MAPRE2: variants seen among roughly 807,000 people sequenced by gnomAD.
MAPRE2 encodes the protein microtubule associated protein RP/EB family member 2, also known as microtubule-associated protein RP/EB family member 2.
In MAPRE2, 13 loss-of-function variants were observed where a neutral mutation model predicts 43.2. The ratio of observed to expected loss-of-function variants is 0.30; its 90% CI spans 0.20 to 0.48. MAPRE2 has a LOEUF of 0.48. Among genes scored for constraint, MAPRE2 ranks in the 20% least tolerant of loss-of-function variants. MAPRE2 has a pLI of 0.99. For missense variants in MAPRE2, 161 were observed against 400.2 expected, an observed-to-expected ratio of 0.40 and a Z score of 5.10; for synonymous variants, 135 against 148.8, an observed-to-expected ratio of 0.91 and a Z score of 0.68.
Position 35,126,960 on chromosome 18 carries a change from C to T in MAPRE2, c.623C>T (p.Ser208Leu). 1 of 1,613,918 alleles carries T rather than the reference C, an allele frequency of 6.2e-7. No individual in the cohort carries two copies. Among genetic ancestry groups the T allele is most frequent in the African/African-American group, 1.3e-5 (1 of 75,020 alleles). ...TGATTGCTTTCAGGTGCAGCTAAAT[C>T]AAGTCCAGCAGCTAAACCAGGATCC... ...ANSPTAGAAK[S>L]SPAAKPGSTP... Residue 208 changes from serine (S) to leucine (L), a missense_variant, in exon 5 of 7, where the codon TCA becomes TTA. Ser to Leu is a moderately radical substitution (Grantham distance 145). Coordinates refer to ENST00000300249, the MANE Select transcript of MAPRE2 (RefSeq NM_014268.4).
At chr18:35,017,042 A>G (rs542935182) in intron 2 of MAPRE2, among the ~76,000 whole-genome samples, 2 of 152,040 alleles carry the variant, frequency 1.3e-5, no homozygotes, top group African/African-American at 4.8e-5. Context: ...TCTCAGTATC[A>G]TTTATTGAAT....
At chr18:35,037,806 T>A (rs1294828735), upstream of MAPRE2, among the ~76,000 whole-genome samples, 1 of 152,190 alleles carries the variant, frequency 6.6e-6, no homozygotes, top group East Asian at 1.9e-4. Context: ...GCTTCATCTC[T>A]TGGGTGACTA....
At chr18:35,117,374 G>A (rs966442024) in intron 4 of MAPRE2, among the ~76,000 whole-genome samples, 1 of 152,134 alleles carries the variant, frequency 6.6e-6, no homozygotes, top group Non-Finnish European at 1.5e-5. Flanking sequence ...GGCCACCATC[G>A]GAAAAACAAC....
intron 1 of MAPRE2, among the ~76,000 whole-genome samples, chr18:35,064,008 A>AAAAAG (rs1488610892): frequency 2.9e-5 from 3 of 102,832 alleles, no homozygotes; most frequent in Non-Finnish European, 5.8e-5. Flanking sequence ...TTTAAAAAAA[A>AAAAAG]AAAAAAAAAA....
At chr18:35,098,083 T>C (rs1908508708) in intron 3 of MAPRE2, among the ~76,000 whole-genome samples, 1 of 152,152 alleles carries the variant, frequency 6.6e-6, no homozygotes, top group South Asian at 2.1e-4. Flanking sequence ...TCCGGTATAG[T>C]GTGTGCGCTC....
chr18:35,124,248 T>C (rs1900502545), intron 4 of MAPRE2, among the ~76,000 whole-genome samples: 1 of 151,840 alleles, frequency 6.6e-6, no homozygotes, highest in South Asian at 2.1e-4. Flanking sequence ...AAGGAGGAAG[T>C]GCCAAGCAAA....
chr18:35,037,983 G>A (rs189387167), upstream of MAPRE2, among the ~76,000 whole-genome samples: 4 of 152,300 alleles, frequency 2.6e-5, no homozygotes, highest in East Asian at 7.7e-4. Context: ...AGGAGTCACT[G>A]GTCTGATCTC....
chr18:35,097,604 T>TACCTC lies in MAPRE2; in HGVS notation c.396+14_396+18dup, dbSNP rs769266868. ...GAACGTTGATAAGGTAGGAGACTTG[T>TACCTC]ACCTCCATAAAATGTGTTGTTTTTT... On this transcript the variant is annotated intron_variant, in intron 3 of 6. Coordinates refer to ENST00000300249, the MANE Select transcript of MAPRE2 (RefSeq NM_014268.4). 1.2e-6 allele frequency: 2 copies of TACCTC among 1,603,154 alleles called. No individual in the cohort carries two copies. The highest frequency in any genetic ancestry group is 1.7e-6 in the Non-Finnish European group (2 of 1,175,456).
At chr18:35,131,209 G>A (rs575746145) in intron 5 of MAPRE2, among the ~76,000 whole-genome samples, 2 of 152,308 alleles carry the variant, frequency 1.3e-5, no homozygotes, top group East Asian at 3.9e-4. Flanking sequence ...CTAGCTAAGC[G>A]TGGCTTCCAT....
At chr18:35,007,097 G>C (rs1000780995) in intron 2 of MAPRE2, among the ~76,000 whole-genome samples, 6 of 152,198 alleles carry the variant, frequency 3.9e-5, no homozygotes, top group Non-Finnish European at 7.3e-5. Context: ...ATTAGAAATA[G>C]GAAGAACCAG....
intron 2 of MAPRE2, among the ~76,000 whole-genome samples, chr18:35,080,815 T>G (rs201887113): frequency 0.29 from 42,495 of 148,532 alleles, 8,146 homozygotes; most frequent in African/African-American, 0.53. Context: ...TCAGATTGCG[T>G]TTTTTTTTTT....
At chr18:34,998,774 T>TA in intron 1 of MAPRE2, among the ~76,000 whole-genome samples, 1 of 76,756 alleles carries the variant, frequency 1.3e-5, no homozygotes, top group Admixed American at 1.2e-4. Flanking sequence ...AAGTTGCAAT[T>TA]TTTTTTTTTT....
intron 2 of MAPRE2, among the ~76,000 whole-genome samples, chr18:35,026,132 A>C (rs1036040972): frequency 2.0e-5 from 3 of 152,170 alleles, no homozygotes; most frequent in Admixed American, 6.5e-5. Context: ...AGGTGAGAGG[A>C]AGGAGCGTGT....
chr18:35,036,903 G>A (rs888474531), upstream of MAPRE2, among the ~76,000 whole-genome samples: 1 of 152,152 alleles, frequency 6.6e-6, no homozygotes, highest in African/African-American at 2.4e-5. Context: ...TTGCTCTAAG[G>A]GGTCTCACAT....
intron 1 of MAPRE2, among the ~76,000 whole-genome samples, chr18:35,062,577 G>C (rs1396026255): frequency 6.6e-6 from 1 of 152,204 alleles, no homozygotes; most frequent in Non-Finnish European, 1.5e-5. Flanking sequence ...AATGAGAACT[G>C]ACAGTGTGGC....
intron 2 of MAPRE2, among the ~76,000 whole-genome samples, chr18:35,095,394 A>ACACACG (rs1555917951): frequency 9.7e-4 from 141 of 145,570 alleles, no homozygotes; most frequent in African/African-American, 2.7e-3. Context: ...ACACACACAC[A>ACACACG]CACACACGCA....
chr18:35,057,499 A>AGTGTGTGTGTGT (rs550390570), intron 1 of MAPRE2, among the ~76,000 whole-genome samples: 18 of 82,192 alleles, frequency 2.2e-4, no homozygotes, highest in Admixed American at 6.9e-4. Context: ...TACTGCAAGG[A>AGTGTGTGTGTGT]GTGTGTGCGT....
At chr18:35,035,845 G>C (rs754085877) in intron 2 of MAPRE2, among the ~76,000 whole-genome samples, 1 of 135,468 alleles carries the variant, frequency 7.4e-6, no homozygotes, top group African/African-American at 2.7e-5. Flanking sequence ...GTTTCATCTC[G>C]GGTCTTCTCT....
intron 1 of MAPRE2, among the ~76,000 whole-genome samples, chr18:35,067,988 C>G (rs573360033): frequency 9.2e-5 from 14 of 152,246 alleles, no homozygotes; most frequent in Admixed American, 4.6e-4. Flanking sequence ...GATTCCTATG[C>G]TGTGAGATTT....
Sources: gnomAD v4.1 joint callset for allele counts (sites outside exome capture counted in the v4.1 genomes callset) on GRCh38, gnomAD v4.1.1 for gene constraint, MANE v1.5 for transcripts, NCBI Gene and HGNC (gene_info 2026-07-23, HGNC 2026-07-21) for gene names.